Variants in NEGR1 observed in about 807,000 individuals in gnomAD.
NEGR1 encodes the protein neuronal growth regulator 1.
NEGR1 carries 10 observed loss-of-function variants against 40.9 expected under a neutral mutation model. The observed-to-expected ratio is 0.24, with a 90% confidence interval of 0.15 to 0.42. The LOEUF is 0.42. Among genes scored for constraint, NEGR1 ranks in the 10% least tolerant of loss-of-function variants. The pLI, the probability that NEGR1 is intolerant of heterozygous loss-of-function variation, is 1.00. For synonymous variants in NEGR1, 185 were observed against 166.8 expected (o/e 1.11, Z -0.84); for missense variants, 352 against 438.9 (o/e 0.80, Z 1.77).
chr1:71,467,720 CA>C (rs11357218), intron 6 of NEGR1, among the ~76,000 whole-genome samples: 111,435 of 151,782 alleles, frequency 0.73, 41,390 homozygotes, highest in Non-Finnish European at 0.77. Flanking sequence ...CTATTTGAAG[CA>C]AATTGCTTGT....
rs147978120 is a variant in NEGR1, at chr1:71,744,284, C to CATATATATATATATAT, written c.535+31872_535+31887dup. Among the ~76,000 whole-genome samples the CATATATATATATATAT allele has an allele frequency of 7.5e-3, 1,032 of 137,070 alleles. 8 individuals carry two copies. The highest frequency in any genetic ancestry group is 0.025 in the East Asian group (118 of 4,628). The allele number at this position is 137,070 out of a possible 152,430, so 89.9% of individuals were successfully genotyped here. The stretch of plus-strand genomic sequence containing the variant: ...ATAATAATATGTTTATGACAAATAA[C>CATATATATATATATAT]ATATATATATATATATATAAAGTGC... On this transcript the variant is annotated intron_variant, in intron 3 of 6. Transcript: ENST00000357731.
intron 1 of NEGR1, among the ~76,000 whole-genome samples, chr1:72,207,023 G>A (rs1653428377): frequency 6.6e-6 from 1 of 150,956 alleles, no homozygotes; most frequent in African/African-American, 2.4e-5. Context: ...CCTAACAAGT[G>A]GCAGGCCCAT....
chr1:72,053,396 T>A (rs142909464), intron 1 of NEGR1, among the ~76,000 whole-genome samples: 77 of 151,182 alleles, frequency 5.1e-4, no homozygotes, highest in African/African-American at 1.8e-3. Flanking sequence ...TCTGTCACCT[T>A]TAAATTACAA....
chr1:71,746,070 C>T (rs980352223), intron 3 of NEGR1, among the ~76,000 whole-genome samples: 4 of 152,114 alleles, frequency 2.6e-5, no homozygotes, highest in African/African-American at 4.8e-5. Context: ...ATTGAACCTA[C>T]GCATAAAAAT....
intron 2 of NEGR1, among the ~76,000 whole-genome samples, chr1:71,873,383 A>T (rs1047594240): frequency 6.6e-6 from 1 of 152,052 alleles, no homozygotes; most frequent in African/African-American, 2.4e-5. Context: ...GAGAAATTTT[A>T]TTGTGGCATG....
intron 2 of NEGR1, among the ~76,000 whole-genome samples, chr1:71,812,356 A>T (rs566625308): frequency 3.7e-4 from 57 of 152,186 alleles, no homozygotes; most frequent in Non-Finnish European, 7.3e-4. Flanking sequence ...TGCAATGAGC[A>T]TAAATGTGCA....
At chr1:71,600,978 C>T (rs571107351) in intron 5 of NEGR1, among the ~76,000 whole-genome samples, 1 of 152,304 alleles carries the variant, frequency 6.6e-6, no homozygotes, top group South Asian at 2.1e-4. Context: ...CCAGCCTCAG[C>T]CAGTGGCTTC....
chr1:71,769,993 G>A (rs1253025603), intron 3 of NEGR1, among the ~76,000 whole-genome samples: 4 of 152,122 alleles, frequency 2.6e-5, no homozygotes, highest in Admixed American at 6.6e-5. Flanking sequence ...TTTGATAAGA[G>A]GAAGATCTGG....
intron 4 of NEGR1, among the ~76,000 whole-genome samples, chr1:71,629,990 T>C (rs942257393): frequency 2.0e-5 from 3 of 152,058 alleles, no homozygotes; most frequent in African/African-American, 7.2e-5. Context: ...TAAATTGTAA[T>C]GAAAAGACTA....
chr1:72,142,229 C>T (rs1650707988), intron 1 of NEGR1, among the ~76,000 whole-genome samples: 2 of 151,782 alleles, frequency 1.3e-5, no homozygotes, highest in Non-Finnish European at 2.9e-5. Context: ...GGAGGTTCTA[C>T]TATGTCAGAG....
At chr1:71,952,721 G>A (rs1326932506) in intron 1 of NEGR1, among the ~76,000 whole-genome samples, 1 of 151,826 alleles carries the variant, frequency 6.6e-6, no homozygotes, top group Non-Finnish European at 1.5e-5. Context: ...GTCAATACCT[G>A]GTTTCAAAGA....
intron 6 of NEGR1, among the ~76,000 whole-genome samples, chr1:71,500,842 T>A (rs1055199606): frequency 4.6e-5 from 7 of 152,082 alleles, no homozygotes; most frequent in African/African-American, 1.4e-4. Context: ...AAAATGTGCA[T>A]GTTCTTTAAA....
intron 1 of NEGR1, among the ~76,000 whole-genome samples, chr1:72,125,856 A>G (rs1649995178): frequency 6.6e-6 from 1 of 152,170 alleles, no homozygotes; most frequent in African/African-American, 2.4e-5. Flanking sequence ...AGCTTAAGAG[A>G]TTTTACAGTG....
intron 6 of NEGR1, among the ~76,000 whole-genome samples, chr1:71,425,585 T>G (rs1646423566): frequency 6.6e-6 from 1 of 152,158 alleles, no homozygotes; most frequent in Non-Finnish European, 1.5e-5. Context: ...CATACATATA[T>G]GTAATCTCCA....
intron 3 of NEGR1, among the ~76,000 whole-genome samples, chr1:71,744,342 AAATAAT>A (rs3077144): frequency 0.037 from 5,197 of 141,150 alleles, 263 homozygotes; most frequent in African/African-American, 0.12. Flanking sequence ...AGTACTCTGT[AAATAAT>A]AATAATAATA....
intron 1 of NEGR1, among the ~76,000 whole-genome samples, chr1:72,078,913 T>A (rs1017250040): frequency 1.3e-5 from 2 of 151,218 alleles, no homozygotes; most frequent in South Asian, 4.2e-4. Context: ...GTGCTGGGAT[T>A]ACAGGCATGA....
At chr1:72,047,597 C>A (rs1647014060) in intron 1 of NEGR1, among the ~76,000 whole-genome samples, 1 of 151,048 alleles carries the variant, frequency 6.6e-6, no homozygotes, top group Non-Finnish European at 1.5e-5. Context: ...ATATATGATT[C>A]AAAAATAGAT....
At chr1:71,921,723 T>C (rs1645722336) in intron 2 of NEGR1, among the ~76,000 whole-genome samples, 1 of 146,422 alleles carries the variant, frequency 6.8e-6, no homozygotes, top group African/African-American at 2.5e-5. Context: ...TATATATATA[T>C]ATATATATAT....
At chr1:71,485,195 C>T (rs1484375976) in intron 6 of NEGR1, among the ~76,000 whole-genome samples, 1 of 148,260 alleles carries the variant, frequency 6.7e-6, no homozygotes, top group Non-Finnish European at 1.5e-5. Flanking sequence ...CAAATTCACC[C>T]TATTTCTTAT....
Sources: gnomAD v4.1 joint callset for allele counts (sites outside exome capture counted in the v4.1 genomes callset) on GRCh38, gnomAD v4.1.1 for gene constraint, MANE v1.5 for transcripts, NCBI Gene and HGNC (gene_info 2026-07-23, HGNC 2026-07-21) for gene names.